The following IL17F variants were observed in gnomAD, a reference collection of about 807,000 sequenced individuals.
IL17F encodes the protein interleukin-17F.
Under a neutral mutation model 8.3 loss-of-function variants are expected in IL17F, and 6 were observed. That is an observed-to-expected ratio of 0.73 (90% CI 0.40 to 1.43). The LOEUF is 1.43. Ranked by LOEUF, IL17F falls within the 40% of genes most tolerant of loss-of-function variation. The probability of loss-of-function intolerance (pLI) is 0.02; values close to 1 mark genes in which losing one functional copy is unlikely to be tolerated. For synonymous variants in IL17F, 98 were observed against 81.6 expected (o/e 1.20, Z -1.08); for missense variants, 204 against 209.6 (o/e 0.97, Z 0.17).
At position 52,241,805 on chromosome 6, in the gene IL17F, G is replaced by A. The variant is rs1223452265; in HGVS notation, c.33+2592C>T. Among the ~76,000 whole-genome samples, 8 of 152,158 alleles carry A rather than the reference G, an allele frequency of 5.3e-5. No homozygotes were observed. The South Asian group carries it at 1.0e-3, about 20-fold the overall frequency. On this transcript the variant is annotated intron_variant, in intron 1 of 2. Coordinates refer to ENST00000336123, the MANE Select transcript of IL17F (RefSeq NM_052872.4). ...TTCACCAGCCTATGAGTACCAGTCT[G>A]GGGACTCAAACCTAGGTGTCAGTAG...
At chr6:52,241,157 C>A (rs1280337620) in intron 1 of IL17F, among the ~76,000 whole-genome samples, 1 of 152,258 alleles carries the variant, frequency 6.6e-6, no homozygotes, top group Admixed American at 6.5e-5. Context: ...TGGTTTACTG[C>A]AATCTCCGCC....
At chr6:52,244,298 AT>A in intron 1 of IL17F, 98 bp downstream of exon 1, 1 of 1,149,418 alleles carries the variant, frequency 8.7e-7, no homozygotes, top group Non-Finnish European at 1.3e-6. Context: ...TTAAGAAGTA[AT>A]TCCAAAAAGA....
intron 1 of IL17F, among the ~76,000 whole-genome samples, chr6:52,240,159 G>A (rs369034207): frequency 1.5e-4 from 23 of 152,116 alleles, no homozygotes; most frequent in East Asian, 3.9e-4. Context: ...GCTGAAGGCC[G>A]GGTGCAGTGG....
At chr6:52,239,166 C>G (rs564892482) in intron 1 of IL17F, 30 of 563,410 alleles carry the variant, frequency 5.3e-5, no homozygotes, top group African/African-American at 4.9e-4. Flanking sequence ...GTAACTGAAG[C>G]CCTCCATAGT....
rs1211948877 is a variant in IL17F at position 52,238,857 on chromosome 6, T to C, written c.127A>G (p.Lys43Glu). ...GGCACAGGCGGGCAACTCTCAGGCT[T>C]TTGGAAAAAAGTATGTCCTACTTTG... ...IPKVGHTFFQ[K>E]PESCPPVPGG... Residue 43 changes from lysine (K) to glutamate (E), a missense_variant, in exon 2 of 3, where the codon AAG becomes GAG. Physicochemically the swap from Lys to Glu is moderately conservative, Grantham distance 56. Coordinates refer to ENST00000336123, the MANE Select transcript of IL17F (RefSeq NM_052872.4). 3.1e-6 allele frequency: 5 copies of C among 1,614,016 alleles called. No homozygotes were observed. The highest frequency in any genetic ancestry group is 4.2e-6 in the Non-Finnish European group (5 of 1,179,904).
chr6:52,240,617 A>C (rs1157758884), intron 1 of IL17F, among the ~76,000 whole-genome samples: 2 of 152,114 alleles, frequency 1.3e-5, no homozygotes, highest in Admixed American at 1.3e-4. Flanking sequence ...AAGAGTAAAC[A>C]AAAAGGTCAT....
chr6:52,237,876 C>T (rs565886553), intron 2 of IL17F, among the ~76,000 whole-genome samples: 53 of 151,916 alleles, frequency 3.5e-4, no homozygotes, highest in African/African-American at 1.2e-3. Flanking sequence ...TATCTGAGAA[C>T]CTACCAAGGA....
At chr6:52,241,149 G>C (rs1764068264) in intron 1 of IL17F, among the ~76,000 whole-genome samples, 1 of 152,086 alleles carries the variant, frequency 6.6e-6, no homozygotes, top group South Asian at 2.1e-4. Flanking sequence ...CACAATCTTG[G>C]TTTACTGCAA....
intron 1 of IL17F, among the ~76,000 whole-genome samples, chr6:52,244,074 T>C (rs1764119096): frequency 6.6e-6 from 1 of 152,022 alleles, no homozygotes; most frequent in African/African-American, 2.4e-5. Context: ...TCTGTATTTT[T>C]AGTAGAGACC....
intron 1 of IL17F, among the ~76,000 whole-genome samples, chr6:52,241,643 AT>A (rs1317203262): frequency 6.6e-6 from 1 of 152,240 alleles, no homozygotes; most frequent in Non-Finnish European, 1.5e-5. Flanking sequence ...CTTAGAGTAT[AT>A]TAGAAAATTC....
chr6:52,240,639 G>T (rs912653255), intron 1 of IL17F, among the ~76,000 whole-genome samples: 1 of 151,998 alleles, frequency 6.6e-6, no homozygotes, highest in African/African-American at 2.4e-5. Context: ...GTGTCCATTT[G>T]CCATACTGAG....
intron 1 of IL17F, 25 bp from the exon 2 acceptor site, chr6:52,238,975 C>T: frequency 1.3e-6 from 2 of 1,596,290 alleles, no homozygotes; most frequent in Non-Finnish European, 1.7e-6. Context: ...ACGCTGCAAT[C>T]AGTTAGAGAC....
In IL17F at chr6:52,241,939, G is replaced by A. The variant is rs1764082046; in HGVS notation, c.33+2458C>T. 3.9e-5 allele frequency among the ~76,000 whole-genome samples: 6 copies of A among 152,306 alleles called. No homozygotes were observed. The South Asian group carries it at 1.2e-3, about 32-fold the overall frequency. On this transcript the variant is annotated intron_variant, in intron 1 of 2. Coordinates refer to ENST00000336123, the MANE Select transcript of IL17F (RefSeq NM_052872.4). ...AGGTAATGTGACAGCTGTACTAGAT[G>A]TGCATAAGTGTTGTAGGTCACATAG...
intron 2 of IL17F, among the ~76,000 whole-genome samples, chr6:52,237,577 T>C (rs1424387491): frequency 1.3e-5 from 2 of 152,094 alleles, no homozygotes; most frequent in Non-Finnish European, 2.9e-5. Context: ...CTAGTCGGTC[T>C]ACAGAGCCTG....
chr6:52,244,264 CAAAATT>C, intron 1 of IL17F, 127 bp downstream of exon 1: 1 of 906,262 alleles, frequency 1.1e-6, no homozygotes, highest in Non-Finnish European at 1.9e-6. Flanking sequence ...AGACAGGAGT[CAAAATT>C]AAAGTCATCT....
chr6:52,236,715 TG>T lies in IL17F; in HGVS notation c.*215del, dbSNP rs1479178113. 1.8e-6 allele frequency: 1 copy of T among 568,066 alleles called. No individual in the cohort carries two copies. The highest frequency in any genetic ancestry group is 1.9e-5 in the African/African-American group (1 of 53,296). The allele number at this position is 568,066 out of a possible 1,614,324, so 35.2% of individuals were successfully genotyped here. A position where few individuals can be genotyped will look rare whatever the true frequency, so the allele number is the denominator to read the frequency against. On this transcript the variant is annotated 3_prime_UTR_variant, in exon 3 of 3. Coordinates refer to ENST00000336123, the MANE Select transcript of IL17F (RefSeq NM_052872.4). The stretch of plus-strand genomic sequence containing the variant: ...TATTAATACTTTATTATATTAGCAC[TG>T]AATATATTAATTTTTCTCCTAACAT...
chr6:52,239,267 T>C, intron 1 of IL17F: 2 of 360,044 alleles, frequency 5.6e-6, no homozygotes, highest in South Asian at 6.3e-5. Flanking sequence ...GCCTCTAGTT[T>C]CTCTTCCTTC....
chr6:52,244,542 C>T, upstream of IL17F: 3 of 1,050,222 alleles, frequency 2.9e-6, no homozygotes, highest in Non-Finnish European at 4.4e-6. Context: ...AATCATTGCC[C>T]CTGTTTCGAT....
chr6:52,239,310 A>G (rs1001688037), intron 1 of IL17F: 4 of 267,808 alleles, frequency 1.5e-5, no homozygotes, highest in African/African-American at 8.7e-5. Flanking sequence ...TTATGAGACT[A>G]CTAATGAGAT....
Sources: allele counts gnomAD v4.1 joint callset (sites outside exome capture counted in the v4.1 genomes callset), GRCh38; gene constraint gnomAD v4.1.1; transcripts MANE v1.5; gene names NCBI Gene and HGNC (gene_info 2026-07-23, HGNC 2026-07-21).